CYP27B1: variants seen among roughly 807,000 people sequenced by gnomAD.
CYP27B1 encodes the protein 25-hydroxyvitamin D-1 alpha hydroxylase, mitochondrial.
In CYP27B1, 46 loss-of-function variants were observed where a neutral mutation model predicts 54.8. The ratio of observed to expected loss-of-function variants is 0.84; its 90% CI spans 0.66 to 1.07. The LOEUF is 1.07. CYP27B1 is among the 50% of genes least tolerant of loss of function. CYP27B1 has a pLI of 0.00. For missense variants in CYP27B1, 674 were observed against 692.2 expected, an observed-to-expected ratio of 0.97 and a Z score of 0.30; for synonymous variants, 292 against 297.3, an observed-to-expected ratio of 0.98 and a Z score of 0.18.
chr12:57,765,924 C>A lies in CYP27B1; in HGVS notation c.386+83G>T. ...GTGGGACAGCCGACCTCCCACCATG[C>A]CCCCAGATTGATAGTTTCGGGACCC... On this transcript the variant is annotated intron_variant, in intron 2 of 8. Transcript: ENST00000228606. This position sits in a 1 kb window ranked among gnomAD's most constrained non-coding sequence, Gnocchi z 5.8. The A allele has an allele frequency of 1.4e-6, 2 of 1,459,118 alleles. No homozygotes were observed. The highest frequency in any genetic ancestry group is 1.4e-5 in the South Asian group (1 of 72,414). 90.4% of individuals were successfully genotyped at this position (1,459,118 alleles called of 1,614,324 possible).
At position 57,762,366 on chromosome 12, in the gene CYP27B1, T is replaced by G. The variant is rs939083027; in HGVS notation, c.*776A>C. 4 of 152,340 alleles carry G rather than the reference T, an allele frequency of 2.6e-5. No individual in the cohort carries two copies. The highest frequency in any genetic ancestry group is 1.9e-4 in the East Asian group (1 of 5,182). 9.4% of individuals were successfully genotyped at this position (152,340 alleles called of 1,614,324 possible). ...TGGAATATTTGATTTATTCTAAAAT[T>G]TGTGAATATTTAAAAATTTTCAATA... On this transcript the variant is annotated 3_prime_UTR_variant, in exon 9 of 9. Coordinates refer to ENST00000228606, the MANE Select transcript of CYP27B1 (RefSeq NM_000785.4).
chr12:57,766,361 T>C, intron 1 of CYP27B1, 164 bp from the exon 2 acceptor site: 1 of 954,822 alleles, frequency 1.0e-6, no homozygotes, highest in Non-Finnish European at 1.5e-6. Context: ...TCCTCCTCTC[T>C]CATTTCCCAT....
chr12:57,766,892 G>C lies in CYP27B1; in HGVS notation c.150C>G (p.Ala50=), dbSNP rs139558307. ...IPGPSTPSFL[A]ELFCKGGLSR... Reference sequence around the variant, plus strand: ...ACAGCCCCCCCTTGCAGAAAAGTTCGGCCAGAAAGCTGGGCGTAGAGGGGC... The same window carrying C: ...ACAGCCCCCCCTTGCAGAAAAGTTCCGCCAGAAAGCTGGGCGTAGAGGGGC... The change falls in exon 1 of 9, where the codon GCC becomes GCG. Residue 50 remains alanine, a synonymous_variant. Coordinates refer to ENST00000228606, the MANE Select transcript of CYP27B1 (RefSeq NM_000785.4). 40 of 1,613,992 alleles carry C rather than the reference G, an allele frequency of 2.5e-5. No homozygotes were observed. The highest frequency in any genetic ancestry group is 4.4e-5 in the South Asian group (4 of 91,082).
chr12:57,765,287 T>G lies in CYP27B1; in HGVS notation c.589+10A>C. Reference sequence around the variant, plus strand: ...CCCCGACGCCTGCCCAGCTCTGTCCTGGGACTCACCTTCCAGTCCGAACTT... The same window carrying G: ...CCCCGACGCCTGCCCAGCTCTGTCCGGGGACTCACCTTCCAGTCCGAACTT... On this transcript the variant is annotated intron_variant, in intron 3 of 8. Transcript: ENST00000228606. The surrounding 1 kb of genome is among the most constrained non-coding windows in gnomAD (Gnocchi z 5.8). The G allele has an allele frequency of 6.2e-7, 1 of 1,612,750 alleles. No individual in the cohort carries two copies. Among genetic ancestry groups the G allele is most frequent in the South Asian group, 1.1e-5 (1 of 91,036 alleles).
Position 57,765,393 on chromosome 12 carries a change from G to A in CYP27B1, c.493C>T (p.Leu165Phe). ...CGCTGGCGCCTCAGACGCCGCACAAGGTCGCAGACTACGTTGTTCAGGGTT... is the reference window on the plus strand; with the variant it reads ...CGCTGGCGCCTCAGACGCCGCACAAAGTCGCAGACTACGTTGTTCAGGGTT... ...AGTLNNVVCD[L>F]VRRLRRQRGR... Residue 165 changes from leucine to phenylalanine, a missense_variant, in exon 3 of 9, where the codon CTT (leucine) becomes TTT (phenylalanine). Physicochemically the swap from Leu to Phe is conservative, Grantham distance 22 (BLOSUM62 0). Coordinates refer to ENST00000228606, the MANE Select transcript of CYP27B1 (RefSeq NM_000785.4). This position sits in a 1 kb window ranked among gnomAD's most constrained non-coding sequence, Gnocchi z 5.8. The A allele has an allele frequency of 3.1e-6, 5 of 1,613,352 alleles. No homozygotes were observed. Among genetic ancestry groups the A allele is most frequent in the Non-Finnish European group, 2.5e-6 (3 of 1,179,744 alleles).
At chr12:57,766,433 CCT>C in intron 1 of CYP27B1, 1 of 572,784 alleles carries the variant, frequency 1.7e-6, no homozygotes, top group Non-Finnish European at 3.0e-6. Flanking sequence ...ACATTCAGGA[CCT>C]CTCTGATCAT....
rs761780097 is a variant in CYP27B1 at position 57,765,296 on chromosome 12, C to T, written c.589+1G>A. The stretch of plus-strand genomic sequence containing the variant: ...CTGCCCAGCTCTGTCCTGGGACTCA[C>T]CTTCCAGTCCGAACTTGTAAAATTC... On this transcript the variant is annotated splice_donor_variant, in intron 3 of 8. Transcript: ENST00000228606. LOFTEE classifies it high-confidence loss of function. The surrounding 1 kb of genome is among the most constrained non-coding windows in gnomAD (Gnocchi z 5.8). 2.5e-6 allele frequency: 4 copies of T among 1,612,814 alleles called. No homozygotes were observed. Among genetic ancestry groups the T allele is most frequent in the East Asian group, 4.5e-5 (2 of 44,880 alleles).
chr12:57,766,549 A>G, intron 1 of CYP27B1: 1 of 569,818 alleles, frequency 1.8e-6, no homozygotes, highest in Non-Finnish European at 3.1e-6. Flanking sequence ...AGCCGCAAGC[A>G]GGCGGAGGGT....
In CYP27B1 at chr12:57,766,175, C is replaced by A; in HGVS notation, c.218G>T (p.Gly73Val). The A allele has an allele frequency of 6.5e-7, 1 of 1,543,530 alleles. No homozygotes were observed. The highest frequency in any genetic ancestry group is 1.2e-5 in the South Asian group (1 of 84,088). The change falls in exon 2 of 9, where the codon GGG (glycine) becomes GTG (valine). Residue 73 changes from glycine (G) to valine (V), a missense_variant. Physicochemically the swap from Gly to Val is moderately radical, Grantham distance 109. Transcript: ENST00000228606. ...CCCAAAGCTGGCTAGCCACACCGGCCCGAAGTGCGCGGCGCCCTGCACCTG... is the reference window on the plus strand; with the variant it reads ...CCCAAAGCTGGCTAGCCACACCGGCACGAAGTGCGCGGCGCCCTGCACCTG... ...ELQVQGAAHF[G>V]PVWLASFGTV...
At chr12:57,763,477 G>T in intron 8 of CYP27B1, 134 bp downstream of exon 8, 2 of 947,174 alleles carry the variant, frequency 2.1e-6, no homozygotes, top group Non-Finnish European at 3.5e-6. Flanking sequence ...CCTATAATGG[G>T]CTTATCATAT....
At position 57,763,279 on chromosome 12, in the gene CYP27B1, T is replaced by C. The variant is rs754851750; in HGVS notation, c.1414-24A>G. The C allele has an allele frequency of 4.5e-6, 7 of 1,543,668 alleles. No individual in the cohort carries two copies. In the African/African-American group the frequency reaches 9.5e-5, roughly 21 times the overall value. ...ATCTGGAAAGGGAAGAAGGTGAGCATTACTATGAAAGATATCTATAATGGG... is the reference window on the plus strand; with the variant it reads ...ATCTGGAAAGGGAAGAAGGTGAGCACTACTATGAAAGATATCTATAATGGG... On this transcript the variant is annotated intron_variant, in intron 8 of 8. Transcript: ENST00000228606.
intron 1 of CYP27B1, chr12:57,766,458 G>T (rs1389318965): frequency 3.6e-6 from 2 of 562,178 alleles, no homozygotes; most frequent in Non-Finnish European, 6.2e-6. Context: ...CGGTCGAGGA[G>T]AAATCTCTAA....
Position 57,765,057 on chromosome 12 carries a change from C to T in CYP27B1, c.744G>A (p.Gly248=), listed in dbSNP as rs745908985. ...MPHWLRHLVP[G]PWGRLCRDWD... ...AGTCTCGGCAGAGGCGGCCCCAGGG[C>T]CCAGGCACAAGGTGGCGCAGCCAGT... Residue 248 remains glycine (G), a synonymous_variant, in exon 4 of 9, where the codon GGG becomes GGA. Coordinates refer to ENST00000228606, the MANE Select transcript of CYP27B1 (RefSeq NM_000785.4). The surrounding 1 kb of genome is among the most constrained non-coding windows in gnomAD (Gnocchi z 5.8). 1.2e-6 allele frequency: 2 copies of T among 1,613,782 alleles called. No individual in the cohort carries two copies. Among genetic ancestry groups the T allele is most frequent in the Non-Finnish European group, 1.7e-6 (2 of 1,180,046 alleles).
In CYP27B1 at chr12:57,765,645, G is replaced by A. The variant is rs765981916; in HGVS notation, c.387-146C>T. 1.2e-5 allele frequency: 12 copies of A among 969,524 alleles called. No homozygotes were observed. The Admixed American group carries it at 1.6e-4, about 13-fold the overall frequency. The allele number at this position is 969,524 out of a possible 1,614,324, so 60.1% of individuals were successfully genotyped here. ...GGTACGGAAACCTGCACCGGCCTGC[G>A]CCTGTCTTCCAGCCCCCTTCCTCTT... On this transcript the variant is annotated intron_variant, in intron 2 of 8. Coordinates refer to ENST00000228606, the MANE Select transcript of CYP27B1 (RefSeq NM_000785.4). This position sits in a 1 kb window ranked among gnomAD's most constrained non-coding sequence, Gnocchi z 5.8.
intron 7 of CYP27B1, 97 bp downstream of exon 7, chr12:57,764,001 G>T: frequency 8.8e-7 from 1 of 1,138,364 alleles, no homozygotes; most frequent in Non-Finnish European, 1.3e-6. Flanking sequence ...GTCAAGGGGA[G>T]TGTTTGAAGG....
intron 7 of CYP27B1, 140 bp downstream of exon 7, chr12:57,763,958 A>G: frequency 9.3e-7 from 1 of 1,070,428 alleles, no homozygotes; most frequent in Non-Finnish European, 1.4e-6. Context: ...CCACTGTTCC[A>G]TTACATCCTA....
intron 5 of CYP27B1, 29 bp downstream of exon 5, chr12:57,764,725 C>A (rs562210715): frequency 3.7e-6 from 6 of 1,613,902 alleles, no homozygotes; most frequent in Middle Eastern, 1.6e-4. Flanking sequence ...GCCCTGGAAC[C>A]GGCTCACAGC....
Position 57,765,909 on chromosome 12 carries a change from C to A in CYP27B1, c.386+98G>T. The A allele has an allele frequency of 6.9e-7, 1 of 1,445,146 alleles. No homozygotes were observed. Among genetic ancestry groups the A allele is most frequent in the Non-Finnish European group, 9.1e-7 (1 of 1,102,612 alleles). The allele number at this position is 1,445,146 out of a possible 1,614,324, so 89.5% of individuals were successfully genotyped here. On this transcript the variant is annotated intron_variant, in intron 2 of 8. Coordinates refer to ENST00000228606, the MANE Select transcript of CYP27B1 (RefSeq NM_000785.4). This position sits in a 1 kb window ranked among gnomAD's most constrained non-coding sequence, Gnocchi z 5.8. Reference sequence around the variant, plus strand: ...ATGCCCAATGGTAGAGTGGGACAGCCGACCTCCCACCATGCCCCCAGATTG... The same window carrying A: ...ATGCCCAATGGTAGAGTGGGACAGCAGACCTCCCACCATGCCCCCAGATTG...
At position 57,765,942 on chromosome 12, in the gene CYP27B1, C is replaced by T. The variant is rs989557894; in HGVS notation, c.386+65G>A. 29 of 1,474,676 alleles carry T rather than the reference C, an allele frequency of 2.0e-5. No homozygotes were observed. Among genetic ancestry groups the T allele is most frequent in the Non-Finnish European group, 2.6e-5 (29 of 1,115,118 alleles). 91.3% of individuals were successfully genotyped at this position (1,474,676 alleles called of 1,614,324 possible). ...CACCATGCCCCCAGATTGATAGTTTCGGGACCCGCAGCAGGAGAGGGCCGC... is the reference window on the plus strand; with the variant it reads ...CACCATGCCCCCAGATTGATAGTTTTGGGACCCGCAGCAGGAGAGGGCCGC... On this transcript the variant is annotated intron_variant, in intron 2 of 8. Transcript: ENST00000228606. This position sits in a 1 kb window ranked among gnomAD's most constrained non-coding sequence, Gnocchi z 5.8.
Sources: allele counts gnomAD v4.1 joint callset, GRCh38; gene constraint gnomAD v4.1.1; non-coding constraint Gnocchi (gnomAD v3.1); transcripts MANE v1.5; gene names NCBI Gene and HGNC (gene_info 2026-07-23, HGNC 2026-07-21).